The following EPHB1 variants were observed in gnomAD, a reference collection of about 807,000 sequenced individuals.
EPHB1 encodes ephrin type-B receptor 1.
EPHB1 carries 30 observed loss-of-function variants against 94.4 expected under a neutral mutation model. That is an observed-to-expected ratio of 0.32 (90% CI 0.24 to 0.43). EPHB1 has a LOEUF of 0.43. EPHB1 is among the 20% of genes least tolerant of loss of function. EPHB1 has a pLI of 1.00. For synonymous variants in EPHB1, 522 were observed against 489.1 expected, an observed-to-expected ratio of 1.07 and a Z score of -0.89; for missense variants, 1,055 against 1,308.3, an observed-to-expected ratio of 0.81 and a Z score of 2.99.
chr3:134,832,461 G>GAC (rs1474743841), intron 1 of EPHB1, among the ~76,000 whole-genome samples: 8 of 152,178 alleles, frequency 5.3e-5, no homozygotes, highest in Non-Finnish European at 4.4e-5. Context: ...ACCACCCTGA[G>GAC]ACCTGTTCAT....
intron 6 of EPHB1, among the ~76,000 whole-genome samples, chr3:135,160,449 A>G (rs1941474997): frequency 6.6e-6 from 1 of 152,162 alleles, no homozygotes; most frequent in African/African-American, 2.4e-5. Flanking sequence ...ACAGTTTACA[A>G]TTTGTAAAGC....
intron 15 of EPHB1, among the ~76,000 whole-genome samples, chr3:135,249,891 T>C (rs1932997511): frequency 6.6e-6 from 1 of 152,236 alleles, no homozygotes; most frequent in Non-Finnish European, 1.5e-5. Flanking sequence ...GGGGAGCTTG[T>C]CCTTATACTT....
At chr3:135,073,970 T>C (rs1937817857) in intron 3 of EPHB1, among the ~76,000 whole-genome samples, 1 of 152,248 alleles carries the variant, frequency 6.6e-6, no homozygotes, top group Non-Finnish European at 1.5e-5. Context: ...TTCAACTTCA[T>C]ATTCATCCAT....
intron 10 of EPHB1, among the ~76,000 whole-genome samples, chr3:135,188,636 A>G (rs1038829573): frequency 5.9e-5 from 9 of 152,214 alleles, no homozygotes; most frequent in Non-Finnish European, 8.8e-5. Context: ...ATTATATAAC[A>G]AGGAGAAAGC....
chr3:135,092,973 G>T (rs1216793567), intron 3 of EPHB1, among the ~76,000 whole-genome samples: 1 of 152,120 alleles, frequency 6.6e-6, no homozygotes, highest in Non-Finnish European at 1.5e-5. Context: ...GCTGCTTGCT[G>T]CCTCTGCATT....
At chr3:135,155,590 G>A (rs185652928) in intron 6 of EPHB1, among the ~76,000 whole-genome samples, 149 of 151,964 alleles carry the variant, frequency 9.8e-4, no homozygotes, top group African/African-American at 3.5e-3. Flanking sequence ...GATCAGTGGC[G>A]CTCAGGAGTT....
chr3:135,205,579 G>A (rs1942880119), intron 12 of EPHB1, among the ~76,000 whole-genome samples: 1 of 152,004 alleles, frequency 6.6e-6, no homozygotes, highest in Non-Finnish European at 1.5e-5. Context: ...TGAATATTTA[G>A]TACCTGTGAA....
At chr3:134,860,547 G>A (rs943187518) in intron 1 of EPHB1, among the ~76,000 whole-genome samples, 2 of 152,148 alleles carry the variant, frequency 1.3e-5, no homozygotes, top group African/African-American at 4.8e-5. Flanking sequence ...GGGCGCGATG[G>A]CTCACGCCTG....
intron 4 of EPHB1, among the ~76,000 whole-genome samples, chr3:135,113,350 T>A (rs1357271864): frequency 6.6e-6 from 1 of 152,242 alleles, no homozygotes; most frequent in East Asian, 1.9e-4. Context: ...CAAGTGAGTA[T>A]AACCTTTTTG....
chr3:135,060,576 A>G (rs1178960596), intron 3 of EPHB1, among the ~76,000 whole-genome samples: 3 of 152,188 alleles, frequency 2.0e-5, no homozygotes, highest in Admixed American at 2.0e-4. Context: ...TGTGAACTCA[A>G]TGTTTAAGTA....
intron 1 of EPHB1, among the ~76,000 whole-genome samples, chr3:134,854,671 C>T (rs1013912519): frequency 9.9e-5 from 15 of 152,106 alleles, no homozygotes; most frequent in Non-Finnish European, 1.8e-4. Flanking sequence ...CCCCGTGACC[C>T]GTGTAACTGA....
At chr3:135,167,110 G>T in intron 9 of EPHB1, 104 bp downstream of exon 9, 4 of 1,357,826 alleles carry the variant, frequency 2.9e-6, no homozygotes, top group Non-Finnish European at 4.1e-6. Flanking sequence ...GGTCCCAGTG[G>T]CAAGTTCTCT....
At chr3:135,075,265 T>A (rs1448788024) in intron 3 of EPHB1, among the ~76,000 whole-genome samples, 1 of 152,148 alleles carries the variant, frequency 6.6e-6, no homozygotes, top group Non-Finnish European at 1.5e-5. Flanking sequence ...GCCCTGCCCA[T>A]CTGAGAATTC....
intron 12 of EPHB1, among the ~76,000 whole-genome samples, chr3:135,219,689 C>A (rs1327115487): frequency 6.6e-6 from 1 of 152,224 alleles, no homozygotes; most frequent in Non-Finnish European, 1.5e-5. Context: ...AGAAGCATTG[C>A]CTTCCAAGAG....
chr3:134,825,012 C>A (rs2036449704), intron 1 of EPHB1, among the ~76,000 whole-genome samples: 1 of 152,228 alleles, frequency 6.6e-6, no homozygotes, highest in African/African-American at 2.4e-5. Flanking sequence ...ACTGTAAGAG[C>A]TAATAAAACA....
intron 1 of EPHB1, among the ~76,000 whole-genome samples, chr3:134,892,621 A>C (rs2038009256): frequency 6.6e-6 from 1 of 152,128 alleles, no homozygotes; most frequent in South Asian, 2.1e-4. Flanking sequence ...GTTTCCAGAA[A>C]ATGGGATCTC....
intron 3 of EPHB1, among the ~76,000 whole-genome samples, chr3:135,049,250 A>G (rs1435558199): frequency 6.6e-6 from 1 of 152,182 alleles, no homozygotes. Context: ...CTGATGATCT[A>G]TTGTCTAACA....
intron 1 of EPHB1, among the ~76,000 whole-genome samples, chr3:134,806,594 G>T (rs903602358): frequency 2.0e-5 from 3 of 152,206 alleles, no homozygotes; most frequent in Non-Finnish European, 2.9e-5. Flanking sequence ...TGAGTTTGGG[G>T]TTGGAACAAT....
chr3:134,810,717 C>T (rs1261598893), intron 1 of EPHB1, among the ~76,000 whole-genome samples: 1 of 152,072 alleles, frequency 6.6e-6, no homozygotes, highest in Non-Finnish European at 1.5e-5. Context: ...CTGAAAACTC[C>T]GAATGTTTTG....
Sources: gnomAD v4.1 joint callset for allele counts (sites outside exome capture counted in the v4.1 genomes callset) on GRCh38, gnomAD v4.1.1 for gene constraint, MANE v1.5 for transcripts, NCBI Gene and HGNC (gene_info 2026-07-23, HGNC 2026-07-21) for gene names.